The following TRAPPC9 variants were observed in gnomAD, a reference collection of about 807,000 sequenced individuals.
The protein encoded by TRAPPC9 is trafficking protein particle complex subunit 9, also known as IKK2 binding protein.
A neutral mutation model predicts 124.0 loss-of-function variants in TRAPPC9; 83 were observed. The observed-to-expected ratio is 0.67, with a 90% CI of 0.56 to 0.80. The LOEUF (loss-of-function observed/expected upper bound fraction) is 0.80, where lower values mean the gene tolerates loss of function less well. Among genes scored for constraint, TRAPPC9 ranks in the 30% least tolerant of loss-of-function variants. The pLI, the probability that TRAPPC9 is intolerant of heterozygous loss-of-function variation, is 0.00. For synonymous variants in TRAPPC9, 638 were observed against 617.5 expected (o/e 1.03, Z -0.49); for missense variants, 1,302 against 1,508.3 (o/e 0.86, Z 2.27).
At chr8:140,343,832 A>G (rs2132074072) in intron 9 of TRAPPC9, among the ~76,000 whole-genome samples, 2 of 152,326 alleles carry the variant, frequency 1.3e-5, no homozygotes, top group South Asian at 4.1e-4. Flanking sequence ...CTTTAAAAAT[A>G]AAAGCATTGT....
Position 139,920,332 on chromosome 8 carries a change from T to C in TRAPPC9, c.2811-10032A>G, listed in dbSNP as rs1832431017. 6.6e-5 allele frequency among the ~76,000 whole-genome samples: 10 copies of C among 152,058 alleles called. No individual in the cohort carries two copies. In the South Asian group the frequency reaches 2.1e-3, roughly 32 times the overall value. On this transcript the variant is annotated intron_variant, in intron 19 of 22. Coordinates refer to ENST00000438773, the MANE Select transcript of TRAPPC9 (RefSeq NM_001160372.4). ...CTGCACTCCAGCCTGAGTGATAGAG[T>C]GAAAGTCTGTCTCAAGCAAAACAAA...
intron 21 of TRAPPC9, among the ~76,000 whole-genome samples, chr8:139,743,627 T>C (rs1193980040): frequency 6.6e-6 from 1 of 152,210 alleles, no homozygotes; most frequent in Admixed American, 6.5e-5. Flanking sequence ...TTTCTCCCTC[T>C]TTAGATGAAG....
At chr8:139,924,923 A>C (rs1238577598) in intron 19 of TRAPPC9, among the ~76,000 whole-genome samples, 2 of 152,226 alleles carry the variant, frequency 1.3e-5, no homozygotes, top group Non-Finnish European at 2.9e-5. Context: ...AATGACTTTC[A>C]TGAGCAGGGG....
intron 9 of TRAPPC9, among the ~76,000 whole-genome samples, chr8:140,325,511 T>C (rs1219230557): frequency 1.3e-5 from 2 of 152,220 alleles, no homozygotes; most frequent in African/African-American, 2.4e-5. Context: ...CATATGCCTA[T>C]ACATTTGACA....
At chr8:140,229,115 A>G (rs999005969) in intron 16 of TRAPPC9, among the ~76,000 whole-genome samples, 1 of 152,172 alleles carries the variant, frequency 6.6e-6, no homozygotes, top group African/African-American at 2.4e-5. Flanking sequence ...ACTTCTAAAT[A>G]TTATATTTCA....
At chr8:140,408,341 A>G (rs898510599) in intron 5 of TRAPPC9, among the ~76,000 whole-genome samples, 1 of 152,152 alleles carries the variant, frequency 6.6e-6, no homozygotes, top group African/African-American at 2.4e-5. Context: ...CAGCCCAACA[A>G]TGCTTTCATC....
intron 17 of TRAPPC9, among the ~76,000 whole-genome samples, chr8:140,100,933 A>G (rs2060567457): frequency 6.6e-6 from 1 of 152,210 alleles, no homozygotes; most frequent in South Asian, 2.1e-4. Flanking sequence ...TTTATTAACT[A>G]AAGGACTAGT....
intron 13 of TRAPPC9, among the ~76,000 whole-genome samples, chr8:140,285,707 G>T (rs900124683): frequency 6.6e-6 from 1 of 151,120 alleles, no homozygotes; most frequent in African/African-American, 2.4e-5. Context: ...TGCCCCCTGT[G>T]GACTCCCCCC....
At chr8:140,303,045 G>A (rs2066027907) in intron 10 of TRAPPC9, among the ~76,000 whole-genome samples, 1 of 152,160 alleles carries the variant, frequency 6.6e-6, no homozygotes, top group Non-Finnish European at 1.5e-5. Flanking sequence ...ATTGGTGTCT[G>A]GGAGTCCGAA....
chr8:140,312,301 A>G (rs1337560107), intron 9 of TRAPPC9, among the ~76,000 whole-genome samples: 1 of 152,228 alleles, frequency 6.6e-6, no homozygotes. Context: ...AGAGAAGAGC[A>G]GCAGAGGGAC....
At chr8:139,966,131 A>C (rs764844628) in intron 19 of TRAPPC9, among the ~76,000 whole-genome samples, 11 of 152,208 alleles carry the variant, frequency 7.2e-5, no homozygotes, top group Non-Finnish European at 1.6e-4. Flanking sequence ...ACAGTATGAG[A>C]GGTGGGGGCA....
At chr8:140,094,393 C>A (rs1844786716) in intron 17 of TRAPPC9, among the ~76,000 whole-genome samples, 1 of 152,204 alleles carries the variant, frequency 6.6e-6, no homozygotes, top group South Asian at 2.1e-4. Context: ...CGGGCTGGCT[C>A]CGAGAGCCAC....
At chr8:139,894,336 C>G (rs796738636) in intron 20 of TRAPPC9, among the ~76,000 whole-genome samples, 63 of 152,196 alleles carry the variant, frequency 4.1e-4, no homozygotes, top group African/African-American at 1.5e-3. Context: ...CCCAACGAGA[C>G]CACTGGTCAC....
intron 4 of TRAPPC9, 115 bp downstream of exon 4, chr8:140,434,997 C>G: frequency 2.0e-6 from 3 of 1,485,168 alleles, no homozygotes; most frequent in Non-Finnish European, 9.1e-7. Flanking sequence ...ACTGACTCAA[C>G]AGATTTTACA....
At chr8:139,940,175 G>A (rs1833817112) in intron 19 of TRAPPC9, among the ~76,000 whole-genome samples, 2 of 152,172 alleles carry the variant, frequency 1.3e-5, no homozygotes, top group African/African-American at 4.8e-5. Flanking sequence ...TCCACCCTCA[G>A]ACACAAGGAG....
intron 11 of TRAPPC9, among the ~76,000 whole-genome samples, chr8:140,295,352 G>GA (rs2065777399): frequency 6.6e-6 from 1 of 152,198 alleles, no homozygotes. Context: ...CAGATAGCAT[G>GA]ACTGCAGACC....
intron 2 of TRAPPC9, among the ~76,000 whole-genome samples, chr8:140,448,498 G>A (rs1588376786): frequency 6.6e-6 from 1 of 152,244 alleles, no homozygotes; most frequent in East Asian, 1.9e-4. Context: ...GCATTTGAAG[G>A]TGGATCTGCA....
chr8:140,114,147 G>A (rs2060833526), intron 17 of TRAPPC9, among the ~76,000 whole-genome samples: 2 of 152,084 alleles, frequency 1.3e-5, no homozygotes, highest in African/African-American at 2.4e-5. Flanking sequence ...CTCTGCTTCC[G>A]AGCGGGGACT....
intron 14 of TRAPPC9, among the ~76,000 whole-genome samples, chr8:140,276,537 A>G (rs999226438): frequency 6.6e-6 from 1 of 152,206 alleles, no homozygotes; most frequent in African/African-American, 2.4e-5. Flanking sequence ...TCAAGCTCTC[A>G]GCCTGTGAGC....
Sources: allele counts gnomAD v4.1 joint callset (sites outside exome capture counted in the v4.1 genomes callset), GRCh38; gene constraint gnomAD v4.1.1; transcripts MANE v1.5; gene names NCBI Gene and HGNC (gene_info 2026-07-23, HGNC 2026-07-21).